JAZF1: variants seen among roughly 807,000 people sequenced by gnomAD.
JAZF1 encodes the protein juxtaposed with another zinc finger protein 1.
JAZF1 carries 8 observed loss-of-function variants against 26.4 expected under a neutral mutation model. The ratio of observed to expected loss-of-function variants is 0.30; its 90% confidence interval spans 0.18 to 0.55. JAZF1 has a LOEUF of 0.55. Among genes scored for constraint, JAZF1 ranks in the 20% least tolerant of loss-of-function variants. The pLI, the probability that JAZF1 is intolerant of heterozygous loss-of-function variation, is 0.94. For synonymous variants in JAZF1, 126 were observed against 122.3 expected (o/e 1.03, Z -0.20); for missense variants, 199 against 322.0 (o/e 0.62, Z 2.92).
intron 2 of JAZF1, among the ~76,000 whole-genome samples, chr7:27,959,188 A>G (rs1583481055): frequency 1.3e-5 from 2 of 152,352 alleles, no homozygotes; most frequent in East Asian, 3.9e-4. Context: ...GCAGATAAAG[A>G]TTTGACATCA....
intron 1 of JAZF1, among the ~76,000 whole-genome samples, chr7:28,006,274 C>G (rs1249313863): frequency 2.0e-5 from 3 of 152,078 alleles, no homozygotes; most frequent in African/African-American, 7.2e-5. Context: ...GAGGCTGAGT[C>G]AGGAGAATTA....
chr7:28,180,039 C>T (rs1783614877), intron 1 of JAZF1, among the ~76,000 whole-genome samples: 1 of 147,108 alleles, frequency 6.8e-6, no homozygotes, highest in Non-Finnish European at 1.5e-5. Flanking sequence ...CGGGCTACTC[C>T]GACCACCCGG....
chr7:28,161,598 T>C (rs1783291595), intron 1 of JAZF1, among the ~76,000 whole-genome samples: 1 of 152,156 alleles, frequency 6.6e-6, no homozygotes, highest in South Asian at 2.1e-4. Context: ...CTGCATGTGA[T>C]CTTCACAGAG....
intron 3 of JAZF1, among the ~76,000 whole-genome samples, chr7:27,880,270 G>GA (rs112325718): frequency 2.0e-5 from 3 of 151,724 alleles, no homozygotes; most frequent in South Asian, 4.2e-4. Context: ...AAAAGGGAAG[G>GA]AAAAAAAATC....
chr7:28,038,335 G>A (rs1232345364), intron 1 of JAZF1, among the ~76,000 whole-genome samples: 1 of 152,088 alleles, frequency 6.6e-6, no homozygotes, highest in Non-Finnish European at 1.5e-5. Flanking sequence ...GTAGATATAA[G>A]CTCATTTTTC....
chr7:27,948,738 A>G (rs1201104916), intron 2 of JAZF1, among the ~76,000 whole-genome samples: 2 of 152,204 alleles, frequency 1.3e-5, no homozygotes, highest in African/African-American at 4.8e-5. Context: ...GTTTGCAGAT[A>G]GATTGCTAGA....
chr7:28,066,940 CAAG>C (rs1783893297), intron 1 of JAZF1, among the ~76,000 whole-genome samples: 1 of 152,142 alleles, frequency 6.6e-6, no homozygotes, highest in African/African-American at 2.4e-5. Flanking sequence ...CATCCAGAGC[CAAG>C]AAGAACTAGC....
intron 1 of JAZF1, among the ~76,000 whole-genome samples, chr7:28,132,237 C>T (rs930545421): frequency 2.6e-5 from 4 of 152,274 alleles, no homozygotes; most frequent in South Asian, 4.2e-4. Flanking sequence ...AGACAGTTAG[C>T]AATGAATTCA....
chr7:27,961,043 T>G (rs1184612714), intron 2 of JAZF1, among the ~76,000 whole-genome samples: 3 of 152,216 alleles, frequency 2.0e-5, no homozygotes, highest in African/African-American at 7.2e-5. Context: ...ATTTGAGGAC[T>G]TACTGTTTGA....
At chr7:27,895,464 G>A in intron 2 of JAZF1, 48 bp from the exon 3 acceptor site, 2 of 1,340,466 alleles carry the variant, frequency 1.5e-6, no homozygotes, top group South Asian at 2.9e-5. Flanking sequence ...TATAGAGCAT[G>A]AGGACTGATG....
intron 2 of JAZF1, among the ~76,000 whole-genome samples, chr7:27,903,786 C>T (rs1048261309): frequency 1.3e-4 from 20 of 152,344 alleles, no homozygotes; most frequent in African/African-American, 4.6e-4. Flanking sequence ...CTCTGCTTGG[C>T]AGATTCATCA....
At chr7:27,888,712 C>A (rs770696007) in intron 3 of JAZF1, among the ~76,000 whole-genome samples, 13 of 152,206 alleles carry the variant, frequency 8.5e-5, no homozygotes, top group South Asian at 2.1e-4. Flanking sequence ...CCAAGATACA[C>A]AGGAATATGA....
At chr7:27,860,503 T>C (rs924382385) in intron 3 of JAZF1, among the ~76,000 whole-genome samples, 32 of 152,240 alleles carry the variant, frequency 2.1e-4, no homozygotes, top group African/African-American at 7.5e-4. Flanking sequence ...CTCCTCCTCA[T>C]CCTCCTCACT....
intron 1 of JAZF1, among the ~76,000 whole-genome samples, chr7:28,022,692 T>G (rs1783026092): frequency 6.6e-6 from 1 of 152,138 alleles, no homozygotes; most frequent in Non-Finnish European, 1.5e-5. Flanking sequence ...TAAAATGGAG[T>G]CAGTCTTATC....
chr7:27,917,361 G>C (rs1411197254), intron 2 of JAZF1, among the ~76,000 whole-genome samples: 1 of 152,104 alleles, frequency 6.6e-6, no homozygotes, highest in Non-Finnish European at 1.5e-5. Flanking sequence ...GGTTTCACTG[G>C]CTAGAACTAT....
chr7:27,990,749 A>G (rs1785883005), intron 2 of JAZF1, among the ~76,000 whole-genome samples: 1 of 152,236 alleles, frequency 6.6e-6, no homozygotes, highest in African/African-American at 2.4e-5. Flanking sequence ...CTTGCTAATT[A>G]CAGAAAACAA....
chr7:27,896,591 TA>T (rs1562522164), intron 2 of JAZF1, among the ~76,000 whole-genome samples: 4 of 152,240 alleles, frequency 2.6e-5, no homozygotes, highest in Non-Finnish European at 5.9e-5. Context: ...GTATTTCACC[TA>T]ACCTATTTCA....
At chr7:27,968,396 C>A (rs935719525) in intron 2 of JAZF1, among the ~76,000 whole-genome samples, 1 of 152,154 alleles carries the variant, frequency 6.6e-6, no homozygotes, top group Admixed American at 6.5e-5. Context: ...AATTCCAGAG[C>A]CTGAGCCTGG....
At chr7:28,147,321 T>C (rs1783042030) in intron 1 of JAZF1, among the ~76,000 whole-genome samples, 1 of 152,118 alleles carries the variant, frequency 6.6e-6, no homozygotes, top group Admixed American at 6.6e-5. Flanking sequence ...TTTTCCAATC[T>C]GGGATGCTCA....
Sources: gnomAD v4.1 joint callset for allele counts (sites outside exome capture counted in the v4.1 genomes callset) on GRCh38, gnomAD v4.1.1 for gene constraint, MANE v1.5 for transcripts, NCBI Gene and HGNC (gene_info 2026-07-23, HGNC 2026-07-21) for gene names.